Variants in ATP10A observed in about 807,000 individuals in gnomAD.
The protein encoded by ATP10A is phospholipid-transporting ATPase VA.
A neutral mutation model predicts 147.8 loss-of-function variants in ATP10A; 111 were observed. That is an observed-to-expected ratio of 0.75 (90% CI 0.64 to 0.88). The LOEUF is 0.88. Ranked by LOEUF, ATP10A falls within the 40% of genes least tolerant of loss-of-function variation. The pLI, the probability that ATP10A is intolerant of heterozygous loss-of-function variation, is 0.00. For missense variants in ATP10A, 1,927 were observed against 1,959.0 expected, an observed-to-expected ratio of 0.98 and a Z score of 0.31; for synonymous variants, 875 against 841.6, an observed-to-expected ratio of 1.04 and a Z score of -0.69.
At chr15:25,678,033 C>T (rs1899174252), downstream of ATP10A, 1 of 152,224 alleles carries the variant, frequency 6.6e-6, no homozygotes. Flanking sequence ...AGACTCAGGA[C>T]AAAGCTGTCC....
At chr15:25,688,307 C>A (rs948661728) in intron 15 of ATP10A, among the ~76,000 whole-genome samples, 2 of 152,294 alleles carry the variant, frequency 1.3e-5, no homozygotes, top group South Asian at 2.1e-4. Context: ...CTGTTCCCCC[C>A]AGAAGCCTTG....
intron 1 of ATP10A, among the ~76,000 whole-genome samples, chr15:25,855,149 T>A (rs1017577181): frequency 6.6e-6 from 1 of 151,852 alleles, no homozygotes; most frequent in Non-Finnish European, 1.5e-5. Flanking sequence ...ATAGTACTTT[T>A]CTGATATCAA....
chr15:25,811,024 G>T (rs1459537089), intron 1 of ATP10A, among the ~76,000 whole-genome samples: 2 of 152,208 alleles, frequency 1.3e-5, no homozygotes, highest in Non-Finnish European at 2.9e-5. Context: ...ACATGGCGGG[G>T]TCTCCCCCAG....
intron 19 of ATP10A, 82 bp from the exon 20 acceptor site, chr15:25,680,390 C>T: frequency 7.0e-7 from 1 of 1,430,950 alleles, no homozygotes; most frequent in South Asian, 1.3e-5. Flanking sequence ...TGCCAGTCAT[C>T]AATGAGCAGG....
chr15:25,781,248 A>C (rs1889907751), intron 1 of ATP10A, 25 bp from the exon 2 acceptor site: 1 of 1,588,570 alleles, frequency 6.3e-7, no homozygotes, highest in African/African-American at 1.3e-5. Context: ...TTGATTAACA[A>C]AACTCACGAG....
intron 2 of ATP10A, among the ~76,000 whole-genome samples, chr15:25,778,475 C>A (rs1219714243): frequency 6.8e-6 from 1 of 146,534 alleles, no homozygotes; most frequent in African/African-American, 2.6e-5. Context: ...AAAAAAATGT[C>A]TTTGGACCTT....
chr15:25,683,586 A>G (rs1216034417), intron 16 of ATP10A, 100 bp from the exon 17 acceptor site: 26 of 1,175,166 alleles, frequency 2.2e-5, no homozygotes, highest in Non-Finnish European at 3.0e-5. Flanking sequence ...TTCACAGTCA[A>G]GATTAAATGT....
intron 13 of ATP10A, among the ~76,000 whole-genome samples, chr15:25,700,912 T>C (rs1900622135): frequency 6.6e-6 from 1 of 150,578 alleles, no homozygotes; most frequent in Non-Finnish European, 1.5e-5. Context: ...CAAACTTTCT[T>C]GGAGAAAGAG....
intron 3 of ATP10A, among the ~76,000 whole-genome samples, chr15:25,728,036 A>G (rs1430342370): frequency 1.3e-5 from 2 of 152,162 alleles, no homozygotes; most frequent in Non-Finnish European, 1.5e-5. Context: ...GGTTTCCAGA[A>G]CAACAGCAGG....
At chr15:25,718,853 T>G (rs1025843421) in intron 7 of ATP10A, among the ~76,000 whole-genome samples, 5 of 152,106 alleles carry the variant, frequency 3.3e-5, no homozygotes, top group Non-Finnish European at 1.5e-5. Context: ...CATCTGCTCC[T>G]GTCTGGATGA....
At chr15:25,806,254 T>C (rs148128142) in intron 1 of ATP10A, among the ~76,000 whole-genome samples, 6 of 152,306 alleles carry the variant, frequency 3.9e-5, no homozygotes, top group Non-Finnish European at 7.3e-5. Flanking sequence ...AGAATGAAGA[T>C]CTGTATGATG....
chr15:25,830,516 C>T (rs1374976437), intron 1 of ATP10A, among the ~76,000 whole-genome samples: 2 of 152,190 alleles, frequency 1.3e-5, no homozygotes, highest in Non-Finnish European at 2.9e-5. Flanking sequence ...GAAAACCACG[C>T]CACAAGTTCA....
intron 16 of ATP10A, chr15:25,683,962 C>T (rs1007528862): frequency 6.2e-6 from 1 of 162,074 alleles, no homozygotes; most frequent in Admixed American, 6.0e-5. Context: ...GACCTGCATA[C>T]TCTCTGAGGA....
chr15:25,838,312 C>T (rs1892674580), intron 1 of ATP10A, among the ~76,000 whole-genome samples: 1 of 152,204 alleles, frequency 6.6e-6, no homozygotes, highest in African/African-American at 2.4e-5. Context: ...ACCCAGGTGA[C>T]TTGCCTGCAC....
At chr15:25,840,882 T>C (rs1892781704) in intron 1 of ATP10A, among the ~76,000 whole-genome samples, 4 of 152,188 alleles carry the variant, frequency 2.6e-5, no homozygotes, top group African/African-American at 7.2e-5. Flanking sequence ...TTAATTTGCA[T>C]TTCCCTGTTT....
At chr15:25,741,845 A>G (rs76079860) in intron 2 of ATP10A, among the ~76,000 whole-genome samples, 4,106 of 152,308 alleles carry the variant, frequency 0.027, 154 homozygotes, top group East Asian at 0.093. Flanking sequence ...TCAGTTATTT[A>G]TTGAAAAAAT....
intron 2 of ATP10A, among the ~76,000 whole-genome samples, chr15:25,756,377 C>G (rs1888409237): frequency 6.6e-6 from 1 of 152,222 alleles, no homozygotes; most frequent in African/African-American, 2.4e-5. Flanking sequence ...GGCGCGGTGG[C>G]TCACGCCTAT....
At position 25,848,551 on chromosome 15, in the gene ATP10A, C is replaced by T. The variant is rs530197909; in HGVS notation, c.449+14097G>A. Among the ~76,000 whole-genome samples, 3 of 152,200 alleles carry T rather than the reference C, an allele frequency of 2.0e-5. No individual in the cohort carries two copies. The East Asian group carries it at 5.8e-4, about 30-fold the overall frequency. ...GCAGGGCGGCGGGAGAGAATGTTTC[C>T]TTGCCTTTTCCAGCTCCTAGAGGCC... On this transcript the variant is annotated intron_variant, in intron 1 of 20. Transcript: ENST00000555815.
At chr15:25,723,114 C>T (rs1248878783) in intron 6 of ATP10A, among the ~76,000 whole-genome samples, 2 of 152,014 alleles carry the variant, frequency 1.3e-5, no homozygotes, top group African/African-American at 4.8e-5. Context: ...TTTGGGAGAC[C>T]GAGGTGGGTG....
Sources: gnomAD v4.1 joint callset for allele counts (sites outside exome capture counted in the v4.1 genomes callset) on GRCh38, gnomAD v4.1.1 for gene constraint, MANE v1.5 for transcripts, NCBI Gene and HGNC (gene_info 2026-07-23, HGNC 2026-07-21) for gene names.